The following XRRA1 variants were observed in gnomAD, a reference collection of about 807,000 sequenced individuals.
XRRA1 encodes the protein X-ray radiation resistance-associated protein 1.
A neutral mutation model predicts 80.2 loss-of-function variants in XRRA1; 69 were observed. The ratio of observed to expected loss-of-function variants is 0.86; its 90% CI spans 0.71 to 1.05. XRRA1 has a LOEUF of 1.05. Among genes scored for constraint, XRRA1 ranks in the 50% least tolerant of loss-of-function variants. The probability of loss-of-function intolerance (pLI) is 0.00; values close to 1 mark genes in which losing one functional copy is unlikely to be tolerated. For synonymous variants in XRRA1, 348 were observed against 389.9 expected (o/e 0.89, Z 1.27); for missense variants, 967 against 976.4 (o/e 0.99, Z 0.13).
intron 10 of XRRA1, among the ~76,000 whole-genome samples, chr11:74,889,957 C>T (rs2050203683): frequency 6.6e-6 from 1 of 152,138 alleles, no homozygotes; most frequent in South Asian, 2.1e-4. Context: ...TAATGGGAGA[C>T]TTTAACACCC....
chr11:74,890,391 C>G (rs1160278503), intron 10 of XRRA1, among the ~76,000 whole-genome samples: 1 of 152,210 alleles, frequency 6.6e-6, no homozygotes, highest in Non-Finnish European at 1.5e-5. Flanking sequence ...CCCTGGGACA[C>G]ATTCAAAGCA....
intron 10 of XRRA1, among the ~76,000 whole-genome samples, chr11:74,904,175 T>C (rs1292539842): frequency 2.6e-5 from 4 of 152,212 alleles, no homozygotes; most frequent in African/African-American, 2.4e-5. Context: ...TTAGAGTTTA[T>C]TACATTATGG....
chr11:74,855,582 C>CT (rs2040894201), intron 12 of XRRA1, among the ~76,000 whole-genome samples: 1 of 152,144 alleles, frequency 6.6e-6, no homozygotes, highest in South Asian at 2.1e-4. Flanking sequence ...CCAATGATAA[C>CT]TTTAAATTTC....
intron 10 of XRRA1, among the ~76,000 whole-genome samples, chr11:74,869,207 T>C (rs2044203722): frequency 6.6e-6 from 1 of 152,150 alleles, no homozygotes; most frequent in Non-Finnish European, 1.5e-5. Context: ...CAAAACCATA[T>C]AATTACATTG....
At chr11:74,899,652 T>C (rs1042946820) in intron 10 of XRRA1, among the ~76,000 whole-genome samples, 2 of 152,196 alleles carry the variant, frequency 1.3e-5, no homozygotes, top group African/African-American at 4.8e-5. Flanking sequence ...TTGGAAAATC[T>C]AGAAGAAATG....
intron 10 of XRRA1, among the ~76,000 whole-genome samples, chr11:74,877,976 C>A (rs1336607009): frequency 1.3e-4 from 19 of 151,714 alleles, no homozygotes; most frequent in African/African-American, 4.4e-4. Flanking sequence ...GGGTATATAC[C>A]CAGTAATGGG....
At chr11:74,880,199 T>C (rs1387722961) in intron 10 of XRRA1, among the ~76,000 whole-genome samples, 1 of 152,172 alleles carries the variant, frequency 6.6e-6, no homozygotes, top group Non-Finnish European at 1.5e-5. Flanking sequence ...CTTCAGAGAG[T>C]GTATGTGTCC....
chr11:74,843,671 C>T (rs1208150541), intron 18 of XRRA1, 183 bp downstream of exon 18: 3 of 811,394 alleles, frequency 3.7e-6, no homozygotes, highest in East Asian at 5.4e-5. Flanking sequence ...CCTTAACATG[C>T]TGTGTGATTT....
intron 12 of XRRA1, among the ~76,000 whole-genome samples, chr11:74,857,308 A>T (rs547781521): frequency 2.0e-5 from 3 of 152,172 alleles, no homozygotes; most frequent in Non-Finnish European, 4.4e-5. Context: ...ACAGAAAGAG[A>T]TACACCATGC....
intron 12 of XRRA1, among the ~76,000 whole-genome samples, chr11:74,853,218 G>A (rs1057262962): frequency 6.6e-6 from 1 of 152,232 alleles, no homozygotes; most frequent in African/African-American, 2.4e-5. Flanking sequence ...AGGGTCATGT[G>A]ACCTAGTCAG....
chr11:74,948,771 T>G (rs1591722641), intron 1 of XRRA1, among the ~76,000 whole-genome samples, 157 bp downstream of exon 1: 1 of 152,158 alleles, frequency 6.6e-6, no homozygotes, highest in Non-Finnish European at 1.5e-5. Flanking sequence ...ACGAAAACAT[T>G]ACAAACAGCT....
chr11:74,932,098 G>C (rs1943724552), intron 5 of XRRA1, among the ~76,000 whole-genome samples: 1 of 151,770 alleles, frequency 6.6e-6, no homozygotes, highest in Admixed American at 6.6e-5. Context: ...CTATTGTTTT[G>C]TAGGAGCTCT....
intron 7 of XRRA1, among the ~76,000 whole-genome samples, chr11:74,926,890 A>G (rs536636367): frequency 2.9e-4 from 44 of 151,260 alleles, no homozygotes; most frequent in Non-Finnish European, 4.1e-4. Context: ...GACTAGGCCT[A>G]TAGCCTGCTC....
At chr11:74,870,737 G>C (rs984943281) in intron 10 of XRRA1, among the ~76,000 whole-genome samples, 1 of 152,074 alleles carries the variant, frequency 6.6e-6, no homozygotes, top group African/African-American at 2.4e-5. Flanking sequence ...AAACACTCTA[G>C]TTTTCCAATT....
intron 10 of XRRA1, among the ~76,000 whole-genome samples, chr11:74,905,083 C>T (rs182537910): frequency 3.3e-5 from 5 of 152,260 alleles, no homozygotes; most frequent in Non-Finnish European, 5.9e-5. Context: ...GAGACAGGGT[C>T]TCACTCTGCT....
At chr11:74,945,373 T>C (rs1947297228) in intron 1 of XRRA1, among the ~76,000 whole-genome samples, 1 of 152,164 alleles carries the variant, frequency 6.6e-6, no homozygotes, top group South Asian at 2.1e-4. Flanking sequence ...CGGGATCGTT[T>C]ACATGATTAT....
chr11:74,843,937 G>A lies in XRRA1; in HGVS notation c.2066C>T (p.Pro689Leu). 6.2e-7 allele frequency: 1 copy of A among 1,613,626 alleles called. No homozygotes were observed. Among genetic ancestry groups the A allele is most frequent in the East Asian group, 2.2e-5 (1 of 44,870 alleles). ...EKRAQRIPIP[P>L]PKKTRAQLLD... ...AAGTTGGGCTCTAGTCTTCTTTGGG[G>A]GTGGAATCGGGATTCTCTGGGCCTG... Residue 689 changes from proline to leucine, a missense_variant, in exon 18 of 19, where the codon CCC (proline) becomes CTC (leucine). Pro to Leu is a moderately conservative substitution (Grantham distance 98, BLOSUM62 -3). Coordinates refer to ENST00000684022, the MANE Select transcript of XRRA1 (RefSeq NM_001378157.1).
At chr11:74,902,980 G>A (rs2053858266) in intron 10 of XRRA1, among the ~76,000 whole-genome samples, 3 of 151,926 alleles carry the variant, frequency 2.0e-5, no homozygotes, top group East Asian at 1.9e-4. Flanking sequence ...CATCTACTAT[G>A]TACCCACAAA....
At chr11:74,946,241 C>T (rs973743918) in intron 1 of XRRA1, among the ~76,000 whole-genome samples, 1 of 152,182 alleles carries the variant, frequency 6.6e-6, no homozygotes, top group African/African-American at 2.4e-5. Flanking sequence ...CCTTGCCCAG[C>T]CATCAGGCCC....
Sources: gnomAD v4.1 joint callset for allele counts (sites outside exome capture counted in the v4.1 genomes callset) on GRCh38, gnomAD v4.1.1 for gene constraint, MANE v1.5 for transcripts, NCBI Gene and HGNC (gene_info 2026-07-23, HGNC 2026-07-21) for gene names.